TENM4: variants seen among roughly 807,000 people sequenced by gnomAD.
TENM4 encodes teneurin-4.
In TENM4, 82 loss-of-function variants were observed where a neutral mutation model predicts 243.3. That is an observed-to-expected ratio of 0.34 (90% CI 0.28 to 0.40). The LOEUF (loss-of-function observed/expected upper bound fraction) is 0.40. Ranked by LOEUF, TENM4 falls within the 10% of genes least tolerant of loss-of-function variation. The probability of loss-of-function intolerance (pLI) is 1.00; values close to 1 mark genes in which losing one functional copy is unlikely to be tolerated. For synonymous variants in TENM4, 1,412 were observed against 1,456.3 expected (o/e 0.97, Z 0.69); for missense variants, 3,138 against 3,673.3 (o/e 0.85, Z 3.77).
Position 79,386,493 on chromosome 11 carries a change from A to T in TENM4, c.-321+54016T>A, listed in dbSNP as rs971064530. Among the ~76,000 whole-genome samples, 13 of 152,346 alleles carry T rather than the reference A, an allele frequency of 8.5e-5. 1 individual carries two copies. Among genetic ancestry groups the T allele is most frequent in the Admixed American group, 3.9e-4 (6 of 15,298 alleles). On this transcript the variant is annotated intron_variant, in intron 1 of 33. Coordinates refer to ENST00000278550, the MANE Select transcript of TENM4 (RefSeq NM_001098816.3). ...TAAAAAGGCCACAGAATGGGAGAAG[A>T]TATTAACAATATCTGGCAAATGACT...
chr11:78,662,477 C>A (rs946636588), intron 32 of TENM4, among the ~76,000 whole-genome samples: 20 of 152,126 alleles, frequency 1.3e-4, no homozygotes, highest in African/African-American at 4.8e-4. Context: ...TGTGAGCCAC[C>A]GTGCCCGGCC....
intron 3 of TENM4, among the ~76,000 whole-genome samples, chr11:79,171,011 G>C (rs1053911080): frequency 1.3e-5 from 2 of 152,164 alleles, no homozygotes; most frequent in African/African-American, 2.4e-5. Context: ...AGAGAGGACT[G>C]TGCTATAACT....
intron 6 of TENM4, among the ~76,000 whole-genome samples, chr11:78,998,766 A>G (rs563624781): frequency 4.7e-4 from 72 of 152,164 alleles, no homozygotes; most frequent in Non-Finnish European, 9.0e-4. Flanking sequence ...TCTTGGCAGC[A>G]GGTAAGTGGG....
rs149633955 is a variant in TENM4 at position 79,236,396 on chromosome 11, C to T, written c.-264-20487G>A. On this transcript the variant is annotated intron_variant, in intron 2 of 33. Transcript: ENST00000278550. Reference sequence around the variant, plus strand: ...CTATTCTTTTTACTCTGCTCTATTACGCTGATGCCCTTTGTGACTACCTTC... The same window carrying T: ...CTATTCTTTTTACTCTGCTCTATTATGCTGATGCCCTTTGTGACTACCTTC... 1.2e-4 allele frequency among the ~76,000 whole-genome samples: 19 copies of T among 152,282 alleles called. No homozygotes were observed. The Middle Eastern group carries it at 0.01, about 82-fold the overall frequency.
chr11:78,789,135 T>C (rs980436380), intron 15 of TENM4, among the ~76,000 whole-genome samples: 3 of 152,168 alleles, frequency 2.0e-5, no homozygotes, highest in Non-Finnish European at 4.4e-5. Flanking sequence ...TGGTATAGAA[T>C]AGACCTCTTA....
intron 6 of TENM4, among the ~76,000 whole-genome samples, chr11:78,948,786 A>G (rs1375016303): frequency 1.8e-4 from 27 of 152,100 alleles, no homozygotes; most frequent in Admixed American, 6.6e-5. Flanking sequence ...TACCCACCCA[A>G]ATACTCATCA....
chr11:78,913,419 G>A (rs1031051765), intron 6 of TENM4, among the ~76,000 whole-genome samples: 5 of 152,150 alleles, frequency 3.3e-5, no homozygotes, highest in Non-Finnish European at 7.3e-5. Flanking sequence ...TTAAAGCTGT[G>A]TCTACCTCAA....
chr11:78,891,324 C>T lies in TENM4; in HGVS notation c.762G>A (p.Lys254=). ...CCTGCAATGTCCCTAGGAATGGCTG[C>T]TTGCCTAGGTTTCTACGCACACATG... ...NIPLETRNLG[K]QPFLGTLQDN... The change falls in exon 8 of 34, where the codon AAG becomes AAA. Residue 254 remains lysine, a synonymous_variant. Transcript: ENST00000278550. The T allele has an allele frequency of 1.3e-6, 2 of 1,551,572 alleles. No homozygotes were observed. The highest frequency in any genetic ancestry group is 8.7e-7 in the Non-Finnish European group (1 of 1,146,972).
chr11:79,352,079 CAT>C (rs1300914060), intron 1 of TENM4, among the ~76,000 whole-genome samples: 3 of 152,212 alleles, frequency 2.0e-5, no homozygotes, highest in African/African-American at 4.8e-5. Flanking sequence ...ATTCAGGAAA[CAT>C]ATGTGCTGCA....
intron 9 of TENM4, among the ~76,000 whole-genome samples, chr11:78,880,488 A>AAAG (rs1368857006): frequency 3.2e-4 from 36 of 113,020 alleles, no homozygotes; most frequent in African/African-American, 1.2e-3. Context: ...AAAAAAAAAA[A>AAAG]AGAAAGAAAA....
chr11:79,304,329 A>G (rs1856593369), intron 1 of TENM4, among the ~76,000 whole-genome samples: 2 of 152,312 alleles, frequency 1.3e-5, no homozygotes, highest in Admixed American at 1.3e-4. Flanking sequence ...CCTTCTTGAG[A>G]TGGAAGTATC....
intron 6 of TENM4, among the ~76,000 whole-genome samples, chr11:79,020,080 C>T (rs1858887015): frequency 6.6e-6 from 1 of 152,206 alleles, no homozygotes; most frequent in South Asian, 2.1e-4. Context: ...TCCCAAAACT[C>T]ATCACTTCTT....
chr11:78,769,425 A>G (rs946908435), intron 18 of TENM4, among the ~76,000 whole-genome samples: 2 of 148,362 alleles, frequency 1.3e-5, no homozygotes, highest in Non-Finnish European at 3.0e-5. Context: ...TCCCACAACA[A>G]CTAATATATA....
At chr11:78,879,382 G>A (rs1859362159) in intron 9 of TENM4, among the ~76,000 whole-genome samples, 2 of 150,822 alleles carry the variant, frequency 1.3e-5, no homozygotes, top group African/African-American at 4.9e-5. Flanking sequence ...GCCTCTGCCT[G>A]GCAGCCGCCC....
At chr11:79,228,579 T>C (rs1864317851) in intron 2 of TENM4, among the ~76,000 whole-genome samples, 1 of 151,858 alleles carries the variant, frequency 6.6e-6, no homozygotes, top group South Asian at 2.1e-4. Context: ...ATTTCTACCT[T>C]GGTGAAGCTG....
Position 78,670,554 on chromosome 11 carries a change from G to A in TENM4, c.5794-3C>T, listed in dbSNP as rs1858297856. ...CTGTGTAGTAGCAGCACCATGGACT[G>A]GAGGGAGAGGAAAACCAAGAGATGA... On this transcript the variant is annotated splice_region_variant and splice_polypyrimidine_tract_variant and intron_variant, in intron 31 of 33. Coordinates refer to ENST00000278550, the MANE Select transcript of TENM4 (RefSeq NM_001098816.3). The A allele has an allele frequency of 1.9e-6, 3 of 1,593,476 alleles. No individual in the cohort carries two copies. The highest frequency in any genetic ancestry group is 1.3e-5 in the African/African-American group (1 of 74,506).
intron 28 of TENM4, among the ~76,000 whole-genome samples, chr11:78,700,592 A>G (rs1043481913): frequency 6.6e-6 from 1 of 152,230 alleles, no homozygotes; most frequent in African/African-American, 2.4e-5. Context: ...ATGTTAGTCC[A>G]TTCATTAAAT....
At chr11:79,071,558 G>A (rs1276957031) in intron 4 of TENM4, among the ~76,000 whole-genome samples, 1 of 152,170 alleles carries the variant, frequency 6.6e-6, no homozygotes, top group South Asian at 2.1e-4. Flanking sequence ...ACTTTAAAAT[G>A]TTGATCCATT....
At chr11:79,336,754 C>G (rs1156311802) in intron 1 of TENM4, among the ~76,000 whole-genome samples, 1 of 152,222 alleles carries the variant, frequency 6.6e-6, no homozygotes, top group Non-Finnish European at 1.5e-5. Flanking sequence ...CTCTCTACCC[C>G]CCTGCCCTTT....
Sources: gnomAD v4.1 joint callset for allele counts (sites outside exome capture counted in the v4.1 genomes callset) on GRCh38, gnomAD v4.1.1 for gene constraint, MANE v1.5 for transcripts, NCBI Gene and HGNC (gene_info 2026-07-23, HGNC 2026-07-21) for gene names.